The following TRPM6 variants were observed in gnomAD, a reference collection of about 807,000 sequenced individuals.
The protein encoded by TRPM6 is transient receptor potential cation channel subfamily M member 6.
A neutral mutation model predicts 247.6 loss-of-function variants in TRPM6; 111 were observed. The observed-to-expected ratio is 0.45, with a 90% CI of 0.38 to 0.52. The LOEUF (loss-of-function observed/expected upper bound fraction) is 0.52, where lower values mean the gene tolerates loss of function less well. Ranked by LOEUF, TRPM6 falls within the 20% of genes least tolerant of loss-of-function variation. The pLI is 0.00. For synonymous variants in TRPM6, 892 were observed against 853.8 expected, an observed-to-expected ratio of 1.04 and a Z score of -0.78; for missense variants, 2,126 against 2,421.5, an observed-to-expected ratio of 0.88 and a Z score of 2.56.
chr9:74,813,958 G>A (rs1828830536), intron 11 of TRPM6, among the ~76,000 whole-genome samples: 1 of 152,118 alleles, frequency 6.6e-6, no homozygotes. Flanking sequence ...TTAGCCAGGT[G>A]TGGTGGCAGG....
intron 1 of TRPM6, among the ~76,000 whole-genome samples, chr9:74,865,095 C>A (rs1030120954): frequency 2.0e-5 from 3 of 150,118 alleles, no homozygotes; most frequent in African/African-American, 7.3e-5. Flanking sequence ...AAAAATGGAA[C>A]GTCAGAATGA....
intron 7 of TRPM6, among the ~76,000 whole-genome samples, chr9:74,822,118 A>C (rs1438206684): frequency 6.6e-6 from 1 of 152,272 alleles, no homozygotes; most frequent in Non-Finnish European, 1.5e-5. Context: ...TTAAGAAATA[A>C]GTATTCCATT....
At position 74,842,490 on chromosome 9, in the gene TRPM6, T is replaced by G. The variant is rs936922259; in HGVS notation, c.153-147A>C. 2.9e-5 allele frequency: 24 copies of G among 835,126 alleles called. No individual in the cohort carries two copies. In the African/African-American group the frequency reaches 3.9e-4, roughly 14 times the overall value. The allele number at this position is 835,126 out of a possible 1,614,324, so 51.7% of individuals were successfully genotyped here. ...TTATATTAAATTTCTAACATAGGAC[T>G]GTCTTCTAAGTTTAGAAACACTATT... On this transcript the variant is annotated intron_variant, in intron 3 of 38. Transcript: ENST00000360774.
chr9:74,771,953 C>G, intron 24 of TRPM6, 118 bp from the exon 25 acceptor site: 2 of 921,842 alleles, frequency 2.2e-6, no homozygotes, highest in Non-Finnish European at 3.4e-6. Flanking sequence ...AGTTTGTCAC[C>G]TTGTCAAACT....
rs752638155 is a variant in TRPM6, at chr9:74,842,347, A to G, written c.153-4T>C. 2.5e-6 allele frequency: 4 copies of G among 1,614,156 alleles called. No homozygotes were observed. In the South Asian group the frequency reaches 4.4e-5, roughly 18 times the overall value. On this transcript the variant is annotated splice_region_variant and splice_polypyrimidine_tract_variant and intron_variant, in intron 3 of 38. Coordinates refer to ENST00000360774, the MANE Select transcript of TRPM6 (RefSeq NM_017662.5). Reference sequence around the variant, plus strand: ...AATCAGTCGGCCACAGTAACACCTTAAATTCAAGACCAAAAAAAAACTCAA... The same window carrying G: ...AATCAGTCGGCCACAGTAACACCTTGAATTCAAGACCAAAAAAAAACTCAA...
chr9:74,809,219 T>A (rs556187589), intron 13 of TRPM6, among the ~76,000 whole-genome samples: 1 of 152,308 alleles, frequency 6.6e-6, no homozygotes, highest in African/African-American at 2.4e-5. Flanking sequence ...GTGTTATGAT[T>A]GGTTGGCAGG....
At chr9:74,854,644 G>A (rs908791133) in intron 3 of TRPM6, among the ~76,000 whole-genome samples, 3 of 152,058 alleles carry the variant, frequency 2.0e-5, no homozygotes, top group Non-Finnish European at 4.4e-5. Context: ...TTGCTAAACT[G>A]AGGGTTCCAA....
intron 17 of TRPM6, chr9:74,799,831 G>T (rs1293352455): frequency 9.4e-6 from 2 of 211,844 alleles, no homozygotes; most frequent in East Asian, 2.3e-4. Flanking sequence ...GGAGATAAAA[G>T]TCGTCTTCAC....
intron 33 of TRPM6, among the ~76,000 whole-genome samples, chr9:74,741,530 C>T (rs1406690237): frequency 6.6e-6 from 1 of 151,970 alleles, no homozygotes; most frequent in Non-Finnish European, 1.5e-5. Context: ...TCCCTAGAGG[C>T]TTTAGAGCAG....
In TRPM6 at chr9:74,744,082, A is replaced by G. The variant is rs762840827; in HGVS notation, c.5134+13T>C. Reference sequence around the variant, plus strand: ...TAGCTCAGCTGACATGTCTATGTGCATATGCATCCTACCTGAATAATGATG... The same window carrying G: ...TAGCTCAGCTGACATGTCTATGTGCGTATGCATCCTACCTGAATAATGATG... On this transcript the variant is annotated intron_variant, in intron 32 of 38. Transcript: ENST00000360774. 1.2e-6 allele frequency: 2 copies of G among 1,613,410 alleles called. No homozygotes were observed. Among genetic ancestry groups the G allele is most frequent in the Non-Finnish European group, 1.7e-6 (2 of 1,179,364 alleles).
intron 23 of TRPM6, among the ~76,000 whole-genome samples, chr9:74,778,813 T>C (rs746867753): frequency 3.9e-5 from 6 of 152,120 alleles, no homozygotes; most frequent in Non-Finnish European, 8.8e-5. Context: ...TGGGCAAGAC[T>C]CACTGGGTAC....
intron 15 of TRPM6, among the ~76,000 whole-genome samples, chr9:74,803,061 A>G (rs1476852958): frequency 1.3e-5 from 2 of 152,222 alleles, no homozygotes; most frequent in African/African-American, 4.8e-5. Context: ...GAGAGGTCTT[A>G]GCAAAAAATT....
At chr9:74,840,623 T>TG (rs1829904159) in intron 4 of TRPM6, among the ~76,000 whole-genome samples, 2 of 152,132 alleles carry the variant, frequency 1.3e-5, no homozygotes, top group South Asian at 4.1e-4. Context: ...AAGACCAGCC[T>TG]GGCCAACATG....
At chr9:74,758,663 C>G (rs1826519987) in intron 27 of TRPM6, among the ~76,000 whole-genome samples, 1 of 152,108 alleles carries the variant, frequency 6.6e-6, no homozygotes, top group South Asian at 2.1e-4. Context: ...ATAGAAAAAC[C>G]TATAGCTAAC....
intron 13 of TRPM6, 45 bp downstream of exon 13, chr9:74,810,770 A>G: frequency 6.4e-7 from 1 of 1,569,630 alleles, no homozygotes; most frequent in Non-Finnish European, 8.8e-7. Context: ...ACACAAAGCT[A>G]AGGCAATACA....
intron 16 of TRPM6, 83 bp downstream of exon 16, chr9:74,801,815 A>C: frequency 6.5e-7 from 1 of 1,541,376 alleles, no homozygotes; most frequent in Non-Finnish European, 8.9e-7. Context: ...TTGTCCTACA[A>C]GTTTAAAGAT....
chr9:74,803,165 G>A (rs1402218906), intron 15 of TRPM6, among the ~76,000 whole-genome samples: 1 of 152,030 alleles, frequency 6.6e-6, no homozygotes, highest in Non-Finnish European at 1.5e-5. Flanking sequence ...TTCATACCAG[G>A]AGCTATGGAA....
chr9:74,825,031 A>C (rs1456878945), intron 7 of TRPM6, among the ~76,000 whole-genome samples: 2 of 152,220 alleles, frequency 1.3e-5, no homozygotes, highest in Non-Finnish European at 2.9e-5. Flanking sequence ...AGGCCAAGGC[A>C]GGTGGATTAC....
intron 24 of TRPM6, among the ~76,000 whole-genome samples, chr9:74,775,637 A>C (rs1194380130): frequency 6.6e-6 from 1 of 152,138 alleles, no homozygotes; most frequent in Non-Finnish European, 1.5e-5. Flanking sequence ...GCCTTTACAC[A>C]ATCAAGCAGA....
Sources: gnomAD v4.1 joint callset for allele counts (sites outside exome capture counted in the v4.1 genomes callset) on GRCh38, gnomAD v4.1.1 for gene constraint, MANE v1.5 for transcripts, NCBI Gene and HGNC (gene_info 2026-07-23, HGNC 2026-07-21) for gene names.